The following FNDC3A variants were observed in gnomAD, a reference collection of about 807,000 sequenced individuals.
FNDC3A encodes fibronectin type-III domain-containing protein 3A.
A neutral mutation model predicts 148.9 loss-of-function variants in FNDC3A; 32 were observed. The observed-to-expected ratio is 0.21, with a 90% CI of 0.16 to 0.29. The LOEUF is 0.29. FNDC3A is among the 10% of genes least tolerant of loss of function. The probability of loss-of-function intolerance (pLI) is 1.00; values close to 1 mark genes in which losing one functional copy is unlikely to be tolerated. For missense variants in FNDC3A, 1,191 were observed against 1,452.8 expected (o/e 0.82, Z 2.93); for synonymous variants, 472 against 473.6 (o/e 1.00, Z 0.04).
At chr13:49,186,622 C>A (rs1349070355) in intron 15 of FNDC3A, among the ~76,000 whole-genome samples, 1 of 152,130 alleles carries the variant, frequency 6.6e-6, no homozygotes, top group Non-Finnish European at 1.5e-5. Flanking sequence ...AATCCCAACA[C>A]TTTGGGAGGC....
intron 1 of FNDC3A, among the ~76,000 whole-genome samples, chr13:48,992,777 G>A (rs9805295): frequency 1 from 151,756 of 152,260 alleles, 75,631 homozygotes; most frequent in Middle Eastern, 1. Flanking sequence ...AGGTTGGTGC[G>A]AAAGTAACTG....
At chr13:49,171,946 A>T (rs1884776456) in intron 10 of FNDC3A, 97 bp from the exon 11 acceptor site, 1 of 819,804 alleles carries the variant, frequency 1.2e-6, no homozygotes, top group East Asian at 2.6e-5. Context: ...CACAGAAAAC[A>T]TCTGCCACAT....
intron 2 of FNDC3A, among the ~76,000 whole-genome samples, chr13:49,063,890 T>C (rs749389943): frequency 1.3e-5 from 2 of 152,186 alleles, no homozygotes; most frequent in African/African-American, 2.4e-5. Context: ...TGTAAAACTC[T>C]AGTGTAGCAA....
At chr13:49,150,000 G>A (rs1049144370) in intron 8 of FNDC3A, among the ~76,000 whole-genome samples, 1 of 152,072 alleles carries the variant, frequency 6.6e-6, no homozygotes, top group Admixed American at 6.6e-5. Flanking sequence ...TCTGATGATT[G>A]TAACTGTGTT....
At chr13:49,097,945 T>C (rs898390456) in intron 3 of FNDC3A, among the ~76,000 whole-genome samples, 2 of 152,086 alleles carry the variant, frequency 1.3e-5, no homozygotes, top group African/African-American at 2.4e-5. Flanking sequence ...CAAAGTGATA[T>C]TTTGTCAAGC....
chr13:49,121,692 A>G (rs1218211997), intron 4 of FNDC3A, among the ~76,000 whole-genome samples: 3 of 152,188 alleles, frequency 2.0e-5, no homozygotes, highest in Non-Finnish European at 2.9e-5. Context: ...CAGAAATACA[A>G]ACTACCATCA....
At chr13:49,053,428 A>AGG in intron 2 of FNDC3A, among the ~76,000 whole-genome samples, 1 of 152,234 alleles carries the variant, frequency 6.6e-6, no homozygotes, top group South Asian at 2.1e-4. Context: ...ATCATGACTC[A>AGG]TGACACAGCC....
chr13:49,012,786 T>C (rs1382817952), intron 2 of FNDC3A, among the ~76,000 whole-genome samples: 1 of 147,194 alleles, frequency 6.8e-6, no homozygotes, highest in African/African-American at 2.5e-5. Context: ...GGCACTTGGG[T>C]TTTTATATGC....
chr13:49,024,264 A>G (rs1255742801), intron 2 of FNDC3A, among the ~76,000 whole-genome samples: 1 of 152,030 alleles, frequency 6.6e-6, no homozygotes, highest in African/African-American at 2.4e-5. Flanking sequence ...GTCCAGGACC[A>G]GATGGCCTCA....
At chr13:48,994,050 C>G (rs1951974099) in intron 1 of FNDC3A, among the ~76,000 whole-genome samples, 1 of 152,094 alleles carries the variant, frequency 6.6e-6, no homozygotes, top group Admixed American at 6.5e-5. Context: ...TGTAATCTTG[C>G]TAATGTTCTT....
At chr13:49,150,170 C>G (rs1883207328) in intron 8 of FNDC3A, among the ~76,000 whole-genome samples, 1 of 152,168 alleles carries the variant, frequency 6.6e-6, no homozygotes, top group Non-Finnish European at 1.5e-5. Context: ...AACTCCTGGG[C>G]TCAAGTGATC....
chr13:48,987,268 A>G (rs1248067156), intron 1 of FNDC3A, among the ~76,000 whole-genome samples: 1 of 152,238 alleles, frequency 6.6e-6, no homozygotes, highest in African/African-American at 2.4e-5. Context: ...ACTTAAGAAG[A>G]TGTTACTTGA....
chr13:49,104,368 C>G (rs1353358257), intron 3 of FNDC3A, among the ~76,000 whole-genome samples: 1 of 151,930 alleles, frequency 6.6e-6, no homozygotes, highest in Non-Finnish European at 1.5e-5. Context: ...ACTAAAAATA[C>G]AAAAAATTAG....
intron 5 of FNDC3A, among the ~76,000 whole-genome samples, chr13:49,134,754 T>G (rs925197359): frequency 6.6e-6 from 1 of 151,220 alleles, no homozygotes; most frequent in Admixed American, 6.6e-5. Flanking sequence ...CTACTAATGT[T>G]GATCATCTTT....
intron 2 of FNDC3A, among the ~76,000 whole-genome samples, chr13:49,020,585 G>T (rs1873246555): frequency 6.6e-6 from 1 of 152,164 alleles, no homozygotes; most frequent in Non-Finnish European, 1.5e-5. Context: ...GAATGTTGCT[G>T]GTATCCTGGT....
At chr13:49,192,640 C>A (rs1566320255) in intron 19 of FNDC3A, among the ~76,000 whole-genome samples, 1 of 152,136 alleles carries the variant, frequency 6.6e-6, no homozygotes, top group South Asian at 2.1e-4. Flanking sequence ...GCTGCTCTTA[C>A]ACAAGTCATT....
intron 2 of FNDC3A, among the ~76,000 whole-genome samples, chr13:49,032,093 A>G (rs1874160712): frequency 6.6e-6 from 1 of 152,218 alleles, no homozygotes; most frequent in Admixed American, 6.5e-5. Flanking sequence ...ACAATGAGAT[A>G]CTGCTTCACA....
chr13:49,152,244 T>C (rs1323872580), intron 8 of FNDC3A, among the ~76,000 whole-genome samples: 1 of 152,200 alleles, frequency 6.6e-6, no homozygotes, highest in Non-Finnish European at 1.5e-5. Context: ...ACCTGTTGTT[T>C]CCTGACTTTT....
intron 3 of FNDC3A, among the ~76,000 whole-genome samples, chr13:49,106,744 T>G (rs1421994634): frequency 3.8e-5 from 5 of 131,418 alleles, no homozygotes; most frequent in Non-Finnish European, 7.7e-5. Context: ...TTGTAGATAA[T>G]CTATATATGT....
Sources: allele counts gnomAD v4.1 joint callset (sites outside exome capture counted in the v4.1 genomes callset), GRCh38; gene constraint gnomAD v4.1.1; transcripts MANE v1.5; gene names NCBI Gene and HGNC (gene_info 2026-07-23, HGNC 2026-07-21).